Variants in FUNDC2 observed in about 807,000 individuals in gnomAD.
The protein encoded by FUNDC2 is FUN14 domain-containing protein 2.
FUNDC2 carries 4 observed loss-of-function variants against 15.6 expected under a neutral mutation model. That is an observed-to-expected ratio of 0.26 (90% CI 0.13 to 0.59). The LOEUF (loss-of-function observed/expected upper bound fraction) is 0.59. Among genes scored for constraint, FUNDC2 ranks in the 20% least tolerant of loss-of-function variants. The probability of loss-of-function intolerance (pLI) is 0.90; values close to 1 mark genes in which losing one functional copy is unlikely to be tolerated. For synonymous variants in FUNDC2, 44 were observed against 56.9 expected (o/e 0.77, Z 1.02); for missense variants, 98 against 149.7 (o/e 0.65, Z 1.80).
chrX:155,041,765 G>T (rs1227230372), intron 2 of FUNDC2, among the ~76,000 whole-genome samples: 2 of 110,098 alleles, frequency 1.8e-5, no homozygotes, highest in Admixed American at 9.6e-5. Flanking sequence ...CCCCCTTCAG[G>T]CTCCTTTTAA....
At position 155,055,734 on chromosome X, in the gene FUNDC2, A is replaced by G. The variant is rs1329823459; in HGVS notation, c.*1062A>G. On this transcript the variant is annotated 3_prime_UTR_variant, in exon 5 of 5. Transcript: ENST00000369498. ...CCTACTAGAATATCAGTCAGCTTTC[A>G]GAGGGCAAGACTTCTGTCTTCACCA... is the stretch of plus-strand genomic sequence containing the variant. 2 of 119,082 alleles carry G rather than the reference A, an allele frequency of 1.7e-5. No homozygotes were observed. Among genetic ancestry groups the G allele is most frequent in the African/African-American group, 6.4e-5 (2 of 31,108 alleles). The allele number at this position is 119,082 out of a possible 1,213,427, so 9.8% of individuals were successfully genotyped here.
At chrX:155,045,546 G>A (rs1053945024) in intron 2 of FUNDC2, among the ~76,000 whole-genome samples, 4 of 112,219 alleles carry the variant, frequency 3.6e-5, no homozygotes, top group Non-Finnish European at 5.6e-5. Context: ...GGTCAGATGA[G>A]ATTAAAGCTG....
At chrX:155,041,240 C>T (rs376321070) in intron 2 of FUNDC2, among the ~76,000 whole-genome samples, 5 of 111,888 alleles carry the variant, frequency 4.5e-5, no homozygotes, top group South Asian at 3.7e-4. Context: ...AGAAATCTAA[C>T]GCTTCATATA....
chrX:155,027,694 T>C (rs2073799218), intron 1 of FUNDC2, among the ~76,000 whole-genome samples: 1 of 112,482 alleles, frequency 8.9e-6, no homozygotes, highest in African/African-American at 3.2e-5. Flanking sequence ...ACGTAAATTA[T>C]GTTAAAAACA....
Position 155,026,881 on chromosome X carries a change from G to T in FUNDC2, c.-58G>T. On this transcript the variant is annotated 5_prime_UTR_variant, in exon 1 of 5. Transcript: ENST00000369498. ...TGAGCTCTGTGATGTAGCCGCTTGC[G>T]GAGACTGCAAGCAGCCGCGGCGCGC... 1 of 1,159,850 alleles carries T rather than the reference G, an allele frequency of 8.6e-7. No individual in the cohort carries two copies. Among genetic ancestry groups the T allele is most frequent in the Non-Finnish European group, 1.1e-6 (1 of 871,046 alleles).
At chrX:155,036,933 A>G (rs1420264381) in intron 2 of FUNDC2, among the ~76,000 whole-genome samples, 1 of 111,136 alleles carries the variant, frequency 9.0e-6, no homozygotes, top group Non-Finnish European at 1.9e-5. Flanking sequence ...TAGCATTTCC[A>G]TCTGAATTTT....
chrX:155,044,694 CA>C (rs2073857065), intron 2 of FUNDC2, among the ~76,000 whole-genome samples: 1 of 111,854 alleles, frequency 8.9e-6, no homozygotes, highest in African/African-American at 3.3e-5. Flanking sequence ...TGGCTGTTAT[CA>C]AAAAGACAAG....
At position 155,054,587 on chromosome X, in the gene FUNDC2, G is replaced by A; in HGVS notation, c.493-8G>A. 1 of 1,210,820 alleles carries A rather than the reference G, an allele frequency of 8.3e-7. No homozygotes were observed. The stretch of plus-strand genomic sequence containing the variant: ...AAAACAACCCATTGTACTATCTTCT[G>A]TTTTCAGGTGGTGTCATTTGTGAAG... On this transcript the variant is annotated splice_polypyrimidine_tract_variant and splice_region_variant and intron_variant, in intron 4 of 4. Coordinates refer to ENST00000369498, the MANE Select transcript of FUNDC2 (RefSeq NM_023934.4).
At chrX:155,033,344 C>T in intron 1 of FUNDC2, 59 bp from the exon 2 acceptor site, 1 of 857,092 alleles carries the variant, frequency 1.2e-6, no homozygotes. Flanking sequence ...CTTTAAATAT[C>T]TCAATCTAGT....
intron 4 of FUNDC2, among the ~76,000 whole-genome samples, chrX:155,053,029 C>T (rs782136911): frequency 3.6e-5 from 4 of 111,311 alleles, no homozygotes; most frequent in Non-Finnish European, 5.7e-5. Context: ...CCACCACACC[C>T]GGTGAAGTTT....
chrX:155,057,265 G>C lies in FUNDC2; in HGVS notation c.*2593G>C, dbSNP rs2073909531. 1 of 111,590 alleles carries C rather than the reference G, an allele frequency of 9.0e-6. No individual in the cohort carries two copies. Among genetic ancestry groups the C allele is most frequent in the Non-Finnish European group, 1.9e-5 (1 of 53,010 alleles). 9.2% of individuals were successfully genotyped at this position (111,590 alleles called of 1,213,427 possible). A position where few individuals can be genotyped will look rare whatever the true frequency, so the allele number is the denominator to read the frequency against. ...TTCAGGTGGTGAAGTGGGAGTTAAG[G>C]TTTCCCCCAAAAGAACAGCTGCCAC... On this transcript the variant is annotated 3_prime_UTR_variant, in exon 5 of 5. Coordinates refer to ENST00000369498, the MANE Select transcript of FUNDC2 (RefSeq NM_023934.4).
chrX:155,058,028 G>C lies in FUNDC2; in HGVS notation c.*3356G>C, dbSNP rs1392622079. On this transcript the variant is annotated 3_prime_UTR_variant, in exon 5 of 5. Coordinates refer to ENST00000369498, the MANE Select transcript of FUNDC2 (RefSeq NM_023934.4). ...CATTGTCATGAGTGTTATTGCCATT[G>C]TGATAATATGTTAGCATGACTCTCC... is the stretch of plus-strand genomic sequence containing the variant. 1 of 111,111 alleles carries C rather than the reference G, an allele frequency of 9.0e-6. No homozygotes were observed. Among genetic ancestry groups the C allele is most frequent in the Non-Finnish European group, 1.9e-5 (1 of 52,965 alleles). 9.2% of individuals were successfully genotyped at this position (111,111 alleles called of 1,213,427 possible).
At position 155,057,030 on chromosome X, in the gene FUNDC2, TTGGCCTCATCC is replaced by T. The variant is rs1163929947; in HGVS notation, c.*2361_*2371del. 1 of 99,926 alleles carries T rather than the reference TTGGCCTCATCC, an allele frequency of 1.0e-5. No homozygotes were observed. The highest frequency in any genetic ancestry group is 2.1e-5 in the Non-Finnish European group (1 of 48,086). 8.2% of individuals were successfully genotyped at this position (99,926 alleles called of 1,213,427 possible). A position where few individuals can be genotyped will look rare whatever the true frequency, so the allele number is the denominator to read the frequency against. ...TCATGGTTGAGGTCAGTATTGCAGG[TTGGCCTCATCC>T]TGCTAGTATGAGAACGGCTGTGAGT... On this transcript the variant is annotated 3_prime_UTR_variant, in exon 5 of 5. Coordinates refer to ENST00000369498, the MANE Select transcript of FUNDC2 (RefSeq NM_023934.4).
At position 155,059,769 on chromosome X, in the gene FUNDC2, G is replaced by T. The variant is rs782097425; in HGVS notation, c.*5097G>T. On this transcript the variant is annotated 3_prime_UTR_variant, in exon 5 of 5. Coordinates refer to ENST00000369498, the MANE Select transcript of FUNDC2 (RefSeq NM_023934.4). ...GAGCCACCGAATGTCATGTTGAACC[G>T]TATTCCCTAATGGAGGTGGATCCTG... The T allele has an allele frequency of 8.9e-6, 1 of 112,119 alleles. No individual in the cohort carries two copies. The highest frequency in any genetic ancestry group is 3.2e-5 in the African/African-American group (1 of 30,830). 9.2% of individuals were successfully genotyped at this position (112,119 alleles called of 1,213,427 possible).
rs1557290828 is a variant in FUNDC2, at chrX:155,055,842, T to G, written c.*1170T>G. 1 of 112,395 alleles carries G rather than the reference T, an allele frequency of 8.9e-6. No homozygotes were observed. The highest frequency in any genetic ancestry group is 1.9e-5 in the Non-Finnish European group (1 of 53,376). The allele number at this position is 112,395 out of a possible 1,213,427, so 9.3% of individuals were successfully genotyped here. The stretch of plus-strand genomic sequence containing the variant: ...AGAAAGAAAACTCACTATTAAAGGT[T>G]AGTTTTACTCAGAATTGTTAATCTT... On this transcript the variant is annotated 3_prime_UTR_variant, in exon 5 of 5. Transcript: ENST00000369498.
Position 155,046,289 on chromosome X carries a change from T to C in FUNDC2, c.285-220T>C, listed in dbSNP as rs782816972. On this transcript the variant is annotated intron_variant, in intron 2 of 4. Coordinates refer to ENST00000369498, the MANE Select transcript of FUNDC2 (RefSeq NM_023934.4). The stretch of plus-strand genomic sequence containing the variant: ...TGTAGCCAGAGTCATCTTTTAAAAA[T>C]ATAACCTGAGAGTTTTAAGGGACTT... Among the ~76,000 whole-genome samples the C allele has an allele frequency of 5.4e-5, 6 of 111,362 alleles. No individual in the cohort carries two copies. The South Asian group carries it at 1.5e-3, about 28-fold the overall frequency.
chrX:155,036,068 A>C (rs781836673), intron 2 of FUNDC2, among the ~76,000 whole-genome samples: 51 of 112,116 alleles, frequency 4.5e-4, no homozygotes, highest in Non-Finnish European at 8.5e-4. Flanking sequence ...TAGTAAGTGA[A>C]TGTTCTAAAT....
chrX:155,036,734 CTG>C (rs1195529542), intron 2 of FUNDC2, among the ~76,000 whole-genome samples: 1 of 110,873 alleles, frequency 9.0e-6, no homozygotes, highest in East Asian at 2.8e-4. Context: ...AAAAAAAAGA[CTG>C]TCTTTTTCTC....
intron 3 of FUNDC2, chrX:155,049,170 A>G (rs1056107436): frequency 8.9e-6 from 1 of 112,706 alleles, no homozygotes; most frequent in Non-Finnish European, 1.9e-5. Context: ...GTTGTGCTGC[A>G]ATGGAAGTAG....
Sources: allele counts gnomAD v4.1 joint callset (sites outside exome capture counted in the v4.1 genomes callset), GRCh38; gene constraint gnomAD v4.1.1; transcripts MANE v1.5; gene names NCBI Gene and HGNC (gene_info 2026-07-23, HGNC 2026-07-21).